The following ANXA3 variants were observed in gnomAD, a reference collection of about 807,000 sequenced individuals.
ANXA3 encodes 35-alpha calcimedin.
A neutral mutation model predicts 48.8 loss-of-function variants in ANXA3; 46 were observed. The observed-to-expected ratio is 0.94, with a 90% confidence interval of 0.74 to 1.21. The LOEUF (loss-of-function observed/expected upper bound fraction) is 1.21. ANXA3 is among the 50% of genes most tolerant of loss of function. The probability of loss-of-function intolerance (pLI) is 0.00; values close to 1 mark genes in which losing one functional copy is unlikely to be tolerated. For synonymous variants in ANXA3, 128 were observed against 134.7 expected (o/e 0.95, Z 0.35); for missense variants, 383 against 378.6 (o/e 1.01, Z -0.10).
chr4:78,589,105 T>C lies in ANXA3; in HGVS notation c.404-2439T>C, dbSNP rs534737033. Among the ~76,000 whole-genome samples the C allele has an allele frequency of 2.0e-4, 31 of 152,278 alleles. No individual in the cohort carries two copies. The South Asian group carries it at 5.6e-3, about 28-fold the overall frequency. On this transcript the variant is annotated intron_variant, in intron 6 of 12. Transcript: ENST00000264908. ...AGCTTTATGAGGATGAGGATTTTCG[T>C]CTATGTTGTTCACTGCTGTATCCTC...
intron 7 of ANXA3, among the ~76,000 whole-genome samples, chr4:78,594,514 A>G (rs981693451): frequency 1.3e-5 from 2 of 152,242 alleles, no homozygotes; most frequent in African/African-American, 4.8e-5. Flanking sequence ...AGTGAATGAG[A>G]GTTCCTGTTG....
chr4:78,590,990 C>G (rs1441065853), intron 6 of ANXA3, among the ~76,000 whole-genome samples: 3 of 152,060 alleles, frequency 2.0e-5, no homozygotes, highest in Non-Finnish European at 2.9e-5. Context: ...GATGGCTGCC[C>G]AAGATGCAGA....
At chr4:78,607,939 G>A (rs1723684756) in intron 12 of ANXA3, among the ~76,000 whole-genome samples, 1 of 152,146 alleles carries the variant, frequency 6.6e-6, no homozygotes, top group Non-Finnish European at 1.5e-5. Context: ...AGAAGCAAGA[G>A]GGAAAGAAGT....
At chr4:78,597,911 G>A (rs111550168) in intron 10 of ANXA3, among the ~76,000 whole-genome samples, 365 of 152,234 alleles carry the variant, frequency 2.4e-3, no homozygotes, top group Non-Finnish European at 3.8e-3. Flanking sequence ...ACCACATCCA[G>A]CCATCTTTTT....
At chr4:78,596,423 A>T (rs921998065) in intron 9 of ANXA3, among the ~76,000 whole-genome samples, 1 of 152,232 alleles carries the variant, frequency 6.6e-6, no homozygotes, top group Non-Finnish European at 1.5e-5. Flanking sequence ...ATCTCCTAGA[A>T]CTGTTCTGGA....
intron 2 of ANXA3, among the ~76,000 whole-genome samples, chr4:78,559,253 A>T (rs1405656429): frequency 1.3e-5 from 2 of 151,882 alleles, no homozygotes; most frequent in Non-Finnish European, 2.9e-5. Context: ...GCTAATTTTT[A>T]AAATTTTTTT....
chr4:78,564,353 C>T (rs1181660008), intron 2 of ANXA3, among the ~76,000 whole-genome samples: 2 of 152,210 alleles, frequency 1.3e-5, no homozygotes, highest in African/African-American at 4.8e-5. Flanking sequence ...GATTTCTAGA[C>T]TATTGATACT....
At chr4:78,558,154 G>C (rs1365981030) in intron 2 of ANXA3, among the ~76,000 whole-genome samples, 1 of 152,204 alleles carries the variant, frequency 6.6e-6, no homozygotes, top group Non-Finnish European at 1.5e-5. Context: ...ACAAAATACT[G>C]TATGATTTCA....
At chr4:78,609,207 C>T (rs996111773) in intron 12 of ANXA3, among the ~76,000 whole-genome samples, 4 of 152,162 alleles carry the variant, frequency 2.6e-5, no homozygotes, top group Non-Finnish European at 5.9e-5. Flanking sequence ...TATATTACCA[C>T]TTTCTCTAAT....
intron 2 of ANXA3, among the ~76,000 whole-genome samples, chr4:78,567,625 A>G (rs1430278853): frequency 6.6e-6 from 1 of 152,232 alleles, no homozygotes; most frequent in African/African-American, 2.4e-5. Context: ...AGGACCTTTG[A>G]ATCTCTGTGG....
rs200735427 is a variant in ANXA3 at position 78,595,366 on chromosome 4, C to T, written c.484-15C>T. 90 of 1,613,700 alleles carry T rather than the reference C, an allele frequency of 5.6e-5. No individual in the cohort carries two copies. In the East Asian group the frequency reaches 6.2e-4, roughly 11 times the overall value. ...ATCTTTAAAGGATGGCCCTTGTTTT[C>T]GTCCTCCTGTTTAGGGCAGAAGAGA... On this transcript the variant is annotated splice_polypyrimidine_tract_variant and intron_variant, in intron 7 of 12. Coordinates refer to ENST00000264908, the MANE Select transcript of ANXA3 (RefSeq NM_005139.3).
At chr4:78,556,878 G>A (rs1722523211) in intron 2 of ANXA3, among the ~76,000 whole-genome samples, 1 of 152,198 alleles carries the variant, frequency 6.6e-6, no homozygotes, top group Non-Finnish European at 1.5e-5. Flanking sequence ...TGAAGGGCTA[G>A]GAGAGACCCA....
In ANXA3 at chr4:78,610,252, A is replaced by C; in HGVS notation, c.*137A>C. 1 of 489,940 alleles carries C rather than the reference A, an allele frequency of 2.0e-6. No individual in the cohort carries two copies. The highest frequency in any genetic ancestry group is 3.6e-6 in the Non-Finnish European group (1 of 279,830). 30.3% of individuals were successfully genotyped at this position (489,940 alleles called of 1,614,324 possible). On this transcript the variant is annotated 3_prime_UTR_variant, in exon 13 of 13. Transcript: ENST00000264908. ...TAACAGGAATTTTCATTGTTCTATA[A>C]CAACAACAACAAAAGCGATTATTAT...
At chr4:78,597,196 T>G (rs1578403027) in intron 9 of ANXA3, 123 bp from the exon 10 acceptor site, 3 of 629,816 alleles carry the variant, frequency 4.8e-6, no homozygotes, top group Admixed American at 3.5e-5. Flanking sequence ...CAGATTTTCA[T>G]GGTTTAAAGA....
intron 12 of ANXA3, among the ~76,000 whole-genome samples, chr4:78,605,215 G>A (rs1293252853): frequency 6.6e-6 from 1 of 152,148 alleles, no homozygotes; most frequent in African/African-American, 2.4e-5. Context: ...ATAATACATT[G>A]TAGCCTAGAA....
chr4:78,578,957 A>G, intron 3 of ANXA3, 70 bp from the exon 4 acceptor site: 1 of 879,060 alleles, frequency 1.1e-6, no homozygotes, highest in Non-Finnish European at 1.8e-6. Flanking sequence ...CAGGCCATTG[A>G]TCATTTTGCT....
At chr4:78,605,196 G>C (rs935627178) in intron 12 of ANXA3, among the ~76,000 whole-genome samples, 5 of 152,170 alleles carry the variant, frequency 3.3e-5, no homozygotes, top group African/African-American at 1.2e-4. Flanking sequence ...GCTGTTCACA[G>C]GTGCGATCAT....
intron 2 of ANXA3, among the ~76,000 whole-genome samples, chr4:78,572,139 G>A (rs1018465299): frequency 5.3e-5 from 8 of 152,186 alleles, no homozygotes; most frequent in African/African-American, 1.7e-4. Flanking sequence ...CAGCTTTCTT[G>A]TTGCTCTCCT....
At chr4:78,556,833 C>T (rs909915478) in intron 2 of ANXA3, among the ~76,000 whole-genome samples, 3 of 152,154 alleles carry the variant, frequency 2.0e-5, no homozygotes, top group African/African-American at 7.2e-5. Flanking sequence ...TGGGCAGGCT[C>T]TCCTGCTGAC....
Sources: allele counts gnomAD v4.1 joint callset (sites outside exome capture counted in the v4.1 genomes callset), GRCh38; gene constraint gnomAD v4.1.1; transcripts MANE v1.5; gene names NCBI Gene and HGNC (gene_info 2026-07-23, HGNC 2026-07-21).